RTN2: variants seen among roughly 807,000 people sequenced by gnomAD.
RTN2 encodes the protein reticulon 2, also known as reticulon-2.
In RTN2, 36 loss-of-function variants were observed where a neutral mutation model predicts 63.7. The ratio of observed to expected loss-of-function variants is 0.56; its 90% CI spans 0.43 to 0.75. RTN2 has a LOEUF of 0.75. Among genes scored for constraint, RTN2 ranks in the 30% least tolerant of loss-of-function variants. The pLI is 0.00. For missense variants in RTN2, 673 were observed against 705.1 expected (o/e 0.95, Z 0.52); for synonymous variants, 312 against 313.0 (o/e 1.00, Z 0.03).
chr19:45,496,829 C>T lies in RTN2; in HGVS notation c.-4G>A, dbSNP rs1487196633. 1.3e-6 allele frequency: 2 copies of T among 1,499,342 alleles called. No individual in the cohort carries two copies. The highest frequency in any genetic ancestry group is 1.4e-5 in the African/African-American group (1 of 70,060). 92.9% of individuals were successfully genotyped at this position (1,499,342 alleles called of 1,614,324 possible). A position where few individuals can be genotyped will look rare whatever the true frequency, so the allele number is the denominator to read the frequency against. ...AGACCGGCAGGACCTGCCCCATGGC[C>T]CCCCTCGGGCCTGCATCGGGACCCC... On this transcript the variant is annotated 5_prime_UTR_variant, in exon 1 of 11. Transcript: ENST00000245923.
At chr19:45,491,536 T>A (rs1157882733) in intron 5 of RTN2, among the ~76,000 whole-genome samples, 5 of 149,256 alleles carry the variant, frequency 3.3e-5, no homozygotes, top group Non-Finnish European at 7.4e-5. Context: ...TGGCTAATTT[T>A]TTTTTTTTTT....
In RTN2 at chr19:45,494,235, C is replaced by G. The variant is rs761286207; in HGVS notation, c.745G>C (p.Glu249Gln). The change falls in exon 4 of 11, where the codon GAG becomes CAG. Residue 249 changes from glutamate (E) to glutamine (Q), a missense_variant. Transcript: ENST00000245923. The surrounding 1 kb of genome is among the most constrained non-coding windows in gnomAD (Gnocchi z 5.3). ...EEKQWGPLEREPVRGQCLDST... is the reference protein window; with the variant it reads ...EEKQWGPLERQPVRGQCLDST... ...TCGAGGCACTGTCCCCTTACTGGCT[C>G]TCGCTCCAGTGGCCCCCACTGCTTT... is the stretch of plus-strand genomic sequence containing the variant. 46 of 1,612,308 alleles carry G rather than the reference C, an allele frequency of 2.9e-5. No individual in the cohort carries two copies. Among genetic ancestry groups the G allele is most frequent in the East Asian group, 8.9e-5 (4 of 44,888 alleles).
intron 1 of RTN2, 174 bp downstream of exon 1, chr19:45,496,618 G>C (rs1206441172): frequency 4.9e-6 from 2 of 407,134 alleles, no homozygotes; most frequent in Non-Finnish European, 8.8e-6. Flanking sequence ...CAGGTCCTCC[G>C]GGTCAGGCTA....
chr19:45,493,591 G>C (rs1968207857), intron 4 of RTN2, among the ~76,000 whole-genome samples: 1 of 151,818 alleles, frequency 6.6e-6, no homozygotes, highest in South Asian at 2.1e-4. Context: ...CACTGCGCCC[G>C]GCCAAAAAGA....
chr19:45,488,851 G>A lies in RTN2; in HGVS notation c.1377C>T (p.Leu459=), dbSNP rs760455353. The A allele has an allele frequency of 1.2e-6, 2 of 1,602,210 alleles. No homozygotes were observed. The highest frequency in any genetic ancestry group is 1.1e-5 in the South Asian group (1 of 89,014). ...GGGGCTGAGAGCTCCAGGCCACCTT[G>A]AGGGAATCCACGAGGTCTTCTACCA... is the stretch of plus-strand genomic sequence containing the variant. ...FFLVEDLVDS[L]KLALLFYILT... is the part of the protein sequence containing the mutation. Residue 459 remains leucine (L), a synonymous_variant, in exon 7 of 11, where the codon CTC becomes CTT. Coordinates refer to ENST00000245923, the MANE Select transcript of RTN2 (RefSeq NM_005619.5).
intron 5 of RTN2, among the ~76,000 whole-genome samples, chr19:45,490,529 G>A (rs1243012713): frequency 1.7e-5 from 2 of 116,194 alleles, no homozygotes; most frequent in Admixed American, 9.7e-5. Flanking sequence ...TGGACTGGTT[G>A]TGTGTCTGTG....
Position 45,488,695 on chromosome 19 carries a change from G to A in RTN2, c.1392C>T (p.Leu464=). ...DLVDSLKLAL[L]FYILTFVGAI... Reference sequence around the variant, plus strand: ...CACCCACGAAGGTCAAGATGTAGAAGAGGAGGGCCAGCTGGGGGTGAAGGT... The same window carrying A: ...CACCCACGAAGGTCAAGATGTAGAAAAGGAGGGCCAGCTGGGGGTGAAGGT... Residue 464 remains leucine, a synonymous_variant, in exon 8 of 11, where the codon CTC becomes CTT. Coordinates refer to ENST00000245923, the MANE Select transcript of RTN2 (RefSeq NM_005619.5). 1 of 1,613,840 alleles carries A rather than the reference G, an allele frequency of 6.2e-7. No individual in the cohort carries two copies. Among genetic ancestry groups the A allele is most frequent in the Middle Eastern group, 1.6e-4 (1 of 6,062 alleles).
chr19:45,490,382 T>A (rs1397077016), intron 5 of RTN2, among the ~76,000 whole-genome samples: 1 of 152,146 alleles, frequency 6.6e-6, no homozygotes, highest in East Asian at 1.9e-4. Flanking sequence ...TTTAACCATG[T>A]ACCTATTGCT....
Position 45,493,293 on chromosome 19 carries a change from CCA to C in RTN2, c.898_899del (p.Trp300AspfsTer44). ...CCCTTTGGACCCAGCCAATGGCTGT[CCA>C]CAGAGGTGGGGACAATTCCAAAATT... is the stretch of plus-strand genomic sequence containing the variant. ...VPILELSPPL[W>X]TAIGWVQRGP... On this transcript the variant is annotated frameshift_variant, in exon 5 of 11. Coordinates refer to ENST00000245923, the MANE Select transcript of RTN2 (RefSeq NM_005619.5). LOFTEE classifies it high-confidence loss of function. 6.2e-7 allele frequency: 1 copy of C among 1,612,738 alleles called. No homozygotes were observed. Among genetic ancestry groups the C allele is most frequent in the Non-Finnish European group, 8.5e-7 (1 of 1,179,622 alleles).
chr19:45,491,587 A>G (rs1372614795), intron 5 of RTN2, among the ~76,000 whole-genome samples: 1 of 147,578 alleles, frequency 6.8e-6, no homozygotes, highest in African/African-American at 2.5e-5. Flanking sequence ...GCTGGAGTGC[A>G]GTGGCGCGAT....
chr19:45,491,344 C>T (rs902464114), intron 5 of RTN2, among the ~76,000 whole-genome samples: 2 of 148,290 alleles, frequency 1.3e-5, no homozygotes, highest in African/African-American at 2.5e-5. Flanking sequence ...ACAGGTGGCA[C>T]CACGATATCG....
At position 45,494,588 on chromosome 19, in the gene RTN2, G is replaced by A. The variant is rs1327776867; in HGVS notation, c.497C>T (p.Thr166Ile). The change falls in exon 3 of 11, where the codon ACC becomes ATC. Residue 166 changes from threonine (T) to isoleucine (I), a missense_variant. Physicochemically the swap from Thr to Ile is moderately conservative, Grantham distance 89. Transcript: ENST00000245923. The surrounding 1 kb of genome is among the most constrained non-coding windows in gnomAD (Gnocchi z 5.3). ...TTGGGGTTCTTCGTCTTCCAGCGGG[G>A]TGGAGCTGCTGGTGGAAGAGTCCTC... ...SGEDSSTSSS[T>I]PLEDEEPQEP... 1.2e-6 allele frequency: 2 copies of A among 1,613,948 alleles called. No homozygotes were observed. Among genetic ancestry groups the A allele is most frequent in the African/African-American group, 2.7e-5 (2 of 74,926 alleles).
rs1968217543 is a variant in RTN2, at chr19:45,494,056, C to T, written c.814+110G>A. 1.4e-6 allele frequency: 2 copies of T among 1,457,632 alleles called. No homozygotes were observed. The highest frequency in any genetic ancestry group is 1.3e-5 in the South Asian group (1 of 76,796). 90.3% of individuals were successfully genotyped at this position (1,457,632 alleles called of 1,614,324 possible). On this transcript the variant is annotated intron_variant, in intron 4 of 10. Coordinates refer to ENST00000245923, the MANE Select transcript of RTN2 (RefSeq NM_005619.5). This position sits in a 1 kb window ranked among gnomAD's most constrained non-coding sequence, Gnocchi z 5.3. The stretch of plus-strand genomic sequence containing the variant: ...AGATGTGATATCACGTCTATCTCTT[C>T]CCTTTTCCACTATGTACTGTTCCTT...
In RTN2 at chr19:45,494,273, A is replaced by G. The variant is rs1968222567; in HGVS notation, c.707T>C (p.Leu236Pro). The G allele has an allele frequency of 1.2e-6, 2 of 1,613,652 alleles. No individual in the cohort carries two copies. The highest frequency in any genetic ancestry group is 3.3e-5 in the Admixed American group (2 of 59,984). The change falls in exon 4 of 11, where the codon CTG (leucine) becomes CCG (proline). Residue 236 changes from leucine to proline, a missense_variant. Physicochemically the swap from Leu to Pro is moderately conservative, Grantham distance 98. Transcript: ENST00000245923. The surrounding 1 kb of genome is among the most constrained non-coding windows in gnomAD (Gnocchi z 5.3). ...CCCCCACTGCTTTTCTTCCTCTTCC[A>G]GCAATGGCTCTTCGGGCCCAGAGTT... ...DSNSGPEEPL[L>P]EEEEKQWGPL...
At position 45,494,862 on chromosome 19, in the gene RTN2, A is replaced by G. The variant is rs774445918; in HGVS notation, c.223T>C (p.Ser75Pro). 16 of 1,606,644 alleles carry G rather than the reference A, an allele frequency of 1.0e-5. No individual in the cohort carries two copies. The African/African-American group carries it at 1.7e-4, about 17-fold the overall frequency. Reference protein sequence around the residue: ...SYIAFDGVVGSGGRRDSTARR... With the variant: ...SYIAFDGVVGPGGRRDSTARR... ...GCAGTTGAATCCCTGCGGCCCCCGGAGCCCACTACACCATCAAAGGCGATG... is the reference window on the plus strand; with the variant it reads ...GCAGTTGAATCCCTGCGGCCCCCGGGGCCCACTACACCATCAAAGGCGATG... The change falls in exon 3 of 11, where the codon TCC (serine) becomes CCC (proline). Residue 75 changes from serine to proline, a missense_variant. Ser to Pro is a moderately conservative substitution (Grantham distance 74, BLOSUM62 -1). Transcript: ENST00000245923. The surrounding 1 kb of genome is among the most constrained non-coding windows in gnomAD (Gnocchi z 5.3).
At chr19:45,487,592 T>G (rs112439539) in intron 9 of RTN2, among the ~76,000 whole-genome samples, 1 of 141,194 alleles carries the variant, frequency 7.1e-6, no homozygotes, top group African/African-American at 2.8e-5. Flanking sequence ...GGTTTTTTTT[T>G]TTTTTTTTTT....
chr19:45,490,159 T>G (rs1968122881), intron 5 of RTN2, among the ~76,000 whole-genome samples: 1 of 151,788 alleles, frequency 6.6e-6, no homozygotes, highest in Non-Finnish European at 1.5e-5. Flanking sequence ...GTGCCACCAT[T>G]CCCGGCTAAT....
intron 1 of RTN2, among the ~76,000 whole-genome samples, chr19:45,496,226 C>T (rs1051253487): frequency 7.2e-5 from 11 of 152,152 alleles, no homozygotes; most frequent in Non-Finnish European, 1.6e-4. Context: ...AATAGGAGGC[C>T]TGGAATGGTG....
Position 45,485,546 on chromosome 19 carries a change from G to A in RTN2, c.*162C>T. On this transcript the variant is annotated 3_prime_UTR_variant, in exon 11 of 11. Transcript: ENST00000245923. ...CCTCTTGGGAAATGTAGTCCTGGTC[G>A]CTCAGGTAATTAGCGCAGAGTCCCT... 1.6e-6 allele frequency: 1 copy of A among 620,058 alleles called. No homozygotes were observed. Among genetic ancestry groups the A allele is most frequent in the Non-Finnish European group, 2.9e-6 (1 of 347,310 alleles). The allele number at this position is 620,058 out of a possible 1,614,324, so 38.4% of individuals were successfully genotyped here. A position where few individuals can be genotyped will look rare whatever the true frequency, so the allele number is the denominator to read the frequency against.
Sources: gnomAD v4.1 joint callset for allele counts (sites outside exome capture counted in the v4.1 genomes callset) on GRCh38, gnomAD v4.1.1 for gene constraint, Gnocchi (gnomAD v3.1) non-coding constraint, MANE v1.5 for transcripts, NCBI Gene and HGNC (gene_info 2026-07-23, HGNC 2026-07-21) for gene names.